PCDHGB5: variants seen among roughly 807,000 people sequenced by gnomAD.
PCDHGB5 encodes the protein protocadherin gamma subfamily B, 5.
In PCDHGB5, 48 loss-of-function variants were observed where a neutral mutation model predicts 62.9. The observed-to-expected ratio is 0.76, with a 90% CI of 0.61 to 0.97. PCDHGB5 has a LOEUF of 0.97. Ranked by LOEUF, PCDHGB5 falls within the 50% of genes least tolerant of loss-of-function variation. PCDHGB5 has a pLI of 0.00. For missense variants in PCDHGB5, 1,118 were observed against 1,198.6 expected, an observed-to-expected ratio of 0.93 and a Z score of 0.99; for synonymous variants, 474 against 511.2, an observed-to-expected ratio of 0.93 and a Z score of 0.98.
In PCDHGB5 at chr5:141,489,993, C is replaced by T. The variant is rs1413894892; in HGVS notation, c.2398-4814C>T. 18 of 1,614,186 alleles carry T rather than the reference C, an allele frequency of 1.1e-5. No individual in the cohort carries two copies. The highest frequency in any genetic ancestry group is 1.5e-5 in the Non-Finnish European group (18 of 1,179,990). On this transcript the variant is annotated intron_variant, in intron 1 of 3. Transcript: ENST00000617380. The surrounding 1 kb of genome is among the most constrained non-coding windows in gnomAD (Gnocchi z 4.5). ...AATCCTCAGTTCTACGTGTGGGAAT[C>T]CCAGAGAATGCACCCATTGGTACTC...
intron 1 of PCDHGB5, chr5:141,427,178 A>G (rs1175390589): frequency 4.4e-6 from 2 of 456,644 alleles, no homozygotes; most frequent in Admixed American, 2.3e-5. Flanking sequence ...AAAATGGGGA[A>G]ATTAAATCCA....
rs778372966 is a variant in PCDHGB5, at chr5:141,477,105, A to G, written c.2398-17702A>G. The G allele has an allele frequency of 7.4e-6, 12 of 1,614,106 alleles. No individual in the cohort carries two copies. The highest frequency in any genetic ancestry group is 4.0e-5 in the African/African-American group (3 of 74,934). On this transcript the variant is annotated intron_variant, in intron 1 of 3. Transcript: ENST00000617380. This position sits in a 1 kb window ranked among gnomAD's most constrained non-coding sequence, Gnocchi z 4.9. ...ATCCAGGCCAAAGACAAGGGCGCCA[A>G]TCCCGAAGGAGCACATTGCAAAGTG...
intron 1 of PCDHGB5, among the ~76,000 whole-genome samples, chr5:141,482,178 C>T (rs950570560): frequency 2.6e-5 from 4 of 151,968 alleles, no homozygotes; most frequent in African/African-American, 4.8e-5. Context: ...TAAGGCTTTA[C>T]GATGCTCCAG....
rs151119016 is a variant in PCDHGB5, at chr5:141,489,949, G to C, written c.2398-4858G>C. On this transcript the variant is annotated intron_variant, in intron 1 of 3. Transcript: ENST00000617380. The surrounding 1 kb of genome is among the most constrained non-coding windows in gnomAD (Gnocchi z 4.5). ...CTCTGTCATCGTGCTGGACATCAAT[G>C]ATAATGCTCCAACCTTCCAATCCTC... is the stretch of plus-strand genomic sequence containing the variant. 1 of 1,614,198 alleles carries C rather than the reference G, an allele frequency of 6.2e-7. No individual in the cohort carries two copies. Among genetic ancestry groups the C allele is most frequent in the Non-Finnish European group, 8.5e-7 (1 of 1,180,028 alleles).
At chr5:141,467,604 CT>C (rs2099147202) in intron 1 of PCDHGB5, among the ~76,000 whole-genome samples, 1 of 152,204 alleles carries the variant, frequency 6.6e-6, no homozygotes, top group Non-Finnish European at 1.5e-5. Context: ...AGCACTTCAT[CT>C]TTGTCCCAGT....
chr5:141,402,153 T>A (rs2094231712), intron 1 of PCDHGB5, among the ~76,000 whole-genome samples: 1 of 152,166 alleles, frequency 6.6e-6, no homozygotes, highest in Non-Finnish European at 1.5e-5. Flanking sequence ...TTAGCAATAT[T>A]AGGCGAGAAC....
chr5:141,482,758 T>TGC (rs1413945459), intron 1 of PCDHGB5, among the ~76,000 whole-genome samples: 74 of 141,724 alleles, frequency 5.2e-4, no homozygotes, highest in African/African-American at 9.9e-4. Flanking sequence ...ATTATGGTAT[T>TGC]TCATTATCAC....
Position 141,491,858 on chromosome 5 carries a change from A to G in PCDHGB5, c.2398-2949A>G, listed in dbSNP as rs17208425. 297,575 of 1,456,446 alleles carry G rather than the reference A, an allele frequency of 0.2. 31,644 individuals are homozygous for G. The highest frequency in any genetic ancestry group is 0.33 in the Admixed American group (11,758 of 35,494). 90.2% of individuals were successfully genotyped at this position (1,456,446 alleles called of 1,614,324 possible). On this transcript the variant is annotated intron_variant, in intron 1 of 3. Transcript: ENST00000617380. This position sits in a 1 kb window ranked among gnomAD's most constrained non-coding sequence, Gnocchi z 6.9. ...TCGGGATCATTGGACCGTTTGCGCG[A>G]AACCAGAGTGGCCGATTAAGGGATG... is the stretch of plus-strand genomic sequence containing the variant.
intron 2 of PCDHGB5, among the ~76,000 whole-genome samples, chr5:141,498,091 C>G (rs2099781521): frequency 6.6e-6 from 1 of 152,156 alleles, no homozygotes; most frequent in African/African-American, 2.4e-5. Context: ...AGAATTGTAT[C>G]TGGTGGTGTG....
intron 1 of PCDHGB5, chr5:141,414,732 T>G: frequency 6.2e-7 from 1 of 1,614,186 alleles, no homozygotes; most frequent in Non-Finnish European, 8.5e-7. Context: ...GCGTCCTGTA[T>G]GCACTCAGAT....
At chr5:141,407,360 A>G (rs1024336863) in intron 1 of PCDHGB5, among the ~76,000 whole-genome samples, 1 of 152,232 alleles carries the variant, frequency 6.6e-6, no homozygotes, top group Non-Finnish European at 1.5e-5. Flanking sequence ...GGAAAACATA[A>G]CAGATATCCA....
At chr5:141,408,401 C>T in intron 1 of PCDHGB5, 2 of 1,614,010 alleles carry the variant, frequency 1.2e-6, no homozygotes, top group Non-Finnish European at 8.5e-7. Context: ...TCGCAAGCTG[C>T]GAGTGAGCGC....
rs758266181 is a variant in PCDHGB5 at position 141,476,561 on chromosome 5, G to A, written c.2398-18246G>A. 1.9e-6 allele frequency: 3 copies of A among 1,614,100 alleles called. No homozygotes were observed. The highest frequency in any genetic ancestry group is 2.5e-6 in the Non-Finnish European group (3 of 1,180,050). Reference sequence around the variant, plus strand: ...GAAATTGGAGATTAGCGAGGCCGTGGCTCCGGGGACGCGCTTTCCGCTCGA... The same window carrying A: ...GAAATTGGAGATTAGCGAGGCCGTGACTCCGGGGACGCGCTTTCCGCTCGA... On this transcript the variant is annotated intron_variant, in intron 1 of 3. Coordinates refer to ENST00000617380, the MANE Select transcript of PCDHGB5 (RefSeq NM_018925.3). This position sits in a 1 kb window ranked among gnomAD's most constrained non-coding sequence, Gnocchi z 7.6.
In PCDHGB5 at chr5:141,487,153, T is replaced by C; in HGVS notation, c.2398-7654T>C. The stretch of plus-strand genomic sequence containing the variant: ...GTCCACCACTCTCTACCTCTGTTAC[T>C]CTCTTAGTGTCCTTAGAGGAAGACA... On this transcript the variant is annotated intron_variant, in intron 1 of 3. Coordinates refer to ENST00000617380, the MANE Select transcript of PCDHGB5 (RefSeq NM_018925.3). This position sits in a 1 kb window ranked among gnomAD's most constrained non-coding sequence, Gnocchi z 5.0. 3 of 1,613,954 alleles carry C rather than the reference T, an allele frequency of 1.9e-6. No individual in the cohort carries two copies. Among genetic ancestry groups the C allele is most frequent in the Non-Finnish European group, 2.5e-6 (3 of 1,179,838 alleles).
intron 1 of PCDHGB5, among the ~76,000 whole-genome samples, chr5:141,453,673 AC>A (rs1459216908): frequency 6.6e-6 from 1 of 152,230 alleles, no homozygotes; most frequent in African/African-American, 2.4e-5. Flanking sequence ...ACAAAAGGTA[AC>A]ACACTATGTA....
chr5:141,477,565 C>T lies in PCDHGB5; in HGVS notation c.2398-17242C>T, dbSNP rs1168703868. 3.1e-6 allele frequency: 5 copies of T among 1,614,146 alleles called. No homozygotes were observed. The highest frequency in any genetic ancestry group is 4.2e-6 in the Non-Finnish European group (5 of 1,180,030). On this transcript the variant is annotated intron_variant, in intron 1 of 3. Transcript: ENST00000617380. The surrounding 1 kb of genome is among the most constrained non-coding windows in gnomAD (Gnocchi z 4.9). ...CAATACTAAACCTAAGTGTCTGGGA[C>T]CCCGACGCCCCGCAGAATGCTCGGC... is the stretch of plus-strand genomic sequence containing the variant.
Position 141,432,082 on chromosome 5 carries a change from C to G in PCDHGB5, c.2397+31558C>G. The G allele has an allele frequency of 1.2e-6, 2 of 1,614,184 alleles. No individual in the cohort carries two copies. The highest frequency in any genetic ancestry group is 1.7e-6 in the Non-Finnish European group (2 of 1,180,028). On this transcript the variant is annotated intron_variant, in intron 1 of 3. Coordinates refer to ENST00000617380, the MANE Select transcript of PCDHGB5 (RefSeq NM_018925.3). This position sits in a 1 kb window ranked among gnomAD's most constrained non-coding sequence, Gnocchi z 6.0. Reference sequence around the variant, plus strand: ...CCACGGAAACTCATATCTCGCTGAACGTGGCAGACACCAACGACAACCCGC... The same window carrying G: ...CCACGGAAACTCATATCTCGCTGAAGGTGGCAGACACCAACGACAACCCGC...
At chr5:141,413,445 C>G (rs764464917) in intron 1 of PCDHGB5, 105 of 1,613,986 alleles carry the variant, frequency 6.5e-5, no homozygotes, top group Non-Finnish European at 8.5e-5. Context: ...GCTTGATCAC[C>G]GCGGGCAGGA....
Position 141,485,875 on chromosome 5 carries a change from C to T in PCDHGB5, c.2398-8932C>T, listed in dbSNP as rs1254918181. The T allele has an allele frequency of 1.9e-6, 3 of 1,614,150 alleles. No homozygotes were observed. The highest frequency in any genetic ancestry group is 2.2e-5 in the East Asian group (1 of 44,862). On this transcript the variant is annotated intron_variant, in intron 1 of 3. Transcript: ENST00000617380. This position sits in a 1 kb window ranked among gnomAD's most constrained non-coding sequence, Gnocchi z 5.7. ...CAGAGCTCCGGGTATCCGTGCTGGACGTAAACGACAACGCCCCAGCCTTCC... is the reference window on the plus strand; with the variant it reads ...CAGAGCTCCGGGTATCCGTGCTGGATGTAAACGACAACGCCCCAGCCTTCC...
Sources: allele counts gnomAD v4.1 joint callset (sites outside exome capture counted in the v4.1 genomes callset), GRCh38; gene constraint gnomAD v4.1.1; non-coding constraint Gnocchi (gnomAD v3.1); transcripts MANE v1.5; gene names NCBI Gene and HGNC (gene_info 2026-07-23, HGNC 2026-07-21).